Variants in ACVR1 observed in about 807,000 individuals in gnomAD.
ACVR1 encodes the protein activin receptor type-1.
In ACVR1, 38 loss-of-function variants were observed where a neutral mutation model predicts 57.1. The ratio of observed to expected loss-of-function variants is 0.67; its 90% confidence interval spans 0.51 to 0.87. ACVR1 has a LOEUF of 0.87. ACVR1 is among the 40% of genes least tolerant of loss of function. The probability of loss-of-function intolerance (pLI) is 0.00; values close to 1 mark genes in which losing one functional copy is unlikely to be tolerated. For missense variants in ACVR1, 463 were observed against 638.2 expected, an observed-to-expected ratio of 0.73 and a Z score of 2.96; for synonymous variants, 212 against 228.1, an observed-to-expected ratio of 0.93 and a Z score of 0.63.
At chr2:157,812,833 C>A (rs2105322572) in intron 2 of ACVR1, among the ~76,000 whole-genome samples, 1 of 152,146 alleles carries the variant, frequency 6.6e-6, no homozygotes, top group African/African-American at 2.4e-5. Context: ...AATCAGAAAT[C>A]ATGTATTAAA....
intron 3 of ACVR1, among the ~76,000 whole-genome samples, chr2:157,784,913 T>C (rs1045734581): frequency 2.0e-5 from 3 of 152,256 alleles, no homozygotes; most frequent in Non-Finnish European, 4.4e-5. Flanking sequence ...TATAATCTTG[T>C]ACTTCATGGT....
chr2:157,753,214 A>G (rs1029150817), intron 9 of ACVR1, among the ~76,000 whole-genome samples: 1 of 152,210 alleles, frequency 6.6e-6, no homozygotes, highest in Non-Finnish European at 1.5e-5. Flanking sequence ...AAAAAAGACA[A>G]GAGGAACACT....
At chr2:157,843,381 C>A (rs1689034392) in intron 1 of ACVR1, among the ~76,000 whole-genome samples, 1 of 152,122 alleles carries the variant, frequency 6.6e-6, no homozygotes, top group Non-Finnish European at 1.5e-5. Context: ...ATAATAGCAG[C>A]CACAGTTTTT....
At chr2:157,820,875 C>T (rs1471844538) in intron 1 of ACVR1, among the ~76,000 whole-genome samples, 3 of 152,090 alleles carry the variant, frequency 2.0e-5, no homozygotes, top group South Asian at 2.1e-4. Context: ...CCCTCTTTCA[C>T]GATACTTAGC....
chr2:157,746,289 T>A (rs1018563804), intron 9 of ACVR1, among the ~76,000 whole-genome samples: 3 of 152,172 alleles, frequency 2.0e-5, no homozygotes, highest in African/African-American at 7.2e-5. Flanking sequence ...ACATATACGA[T>A]CTCATTTAAT....
intron 4 of ACVR1, 109 bp from the exon 5 acceptor site, chr2:157,778,451 A>G: frequency 2.2e-6 from 2 of 899,452 alleles, no homozygotes; most frequent in Non-Finnish European, 3.6e-6. Context: ...ACACAGTCTC[A>G]CAACTCACGA....
Position 157,737,512 on chromosome 2 carries a change from T to C in ACVR1, c.*19A>G. The C allele has an allele frequency of 6.2e-7, 1 of 1,613,824 alleles. No individual in the cohort carries two copies. The highest frequency in any genetic ancestry group is 1.1e-5 in the South Asian group (1 of 91,066). ...AATGACAACAACGTCAAATCTTCCT[T>C]CTTGACACTATGAAAATGTCAACAG... On this transcript the variant is annotated 3_prime_UTR_variant, in exon 11 of 11. Transcript: ENST00000434821.
In ACVR1 at chr2:157,749,354, C is replaced by A. The variant is rs1685093305; in HGVS notation, c.1265-10784G>T. ...GCTTCTTTAACTGCTAAGGCATCAC[C>A]ATTTAATAAAACTACTTATAAACAG... On this transcript the variant is annotated intron_variant, in intron 9 of 10. Coordinates refer to ENST00000434821, the MANE Select transcript of ACVR1 (RefSeq NM_001111067.4). Among the ~76,000 whole-genome samples, 3 of 152,280 alleles carry A rather than the reference C, an allele frequency of 2.0e-5. No individual in the cohort carries two copies. In the South Asian group the frequency reaches 6.2e-4, roughly 32 times the overall value.
chr2:157,823,071 A>G (rs1210902697), intron 1 of ACVR1, among the ~76,000 whole-genome samples: 1 of 152,248 alleles, frequency 6.6e-6, no homozygotes, highest in Non-Finnish European at 1.5e-5. Flanking sequence ...AGATTGGGCC[A>G]CAAAGACACA....
In ACVR1 at chr2:157,745,755, G is replaced by A. The variant is rs78863184; in HGVS notation, c.1265-7185C>T. On this transcript the variant is annotated intron_variant, in intron 9 of 10. Coordinates refer to ENST00000434821, the MANE Select transcript of ACVR1 (RefSeq NM_001111067.4). ...TATGCAAACCTTAATACACACAAAA[G>A]TAGGTAATTAACGTCATGAAACATG... Among the ~76,000 whole-genome samples the A allele has an allele frequency of 2.8e-3, 425 of 152,220 alleles. 2 individuals are homozygous for A. The highest frequency in any genetic ancestry group is 9.5e-3 in the African/African-American group (395 of 41,522).
At chr2:157,827,833 T>A (rs1462606917) in intron 1 of ACVR1, among the ~76,000 whole-genome samples, 1 of 152,154 alleles carries the variant, frequency 6.6e-6, no homozygotes, top group African/African-American at 2.4e-5. Flanking sequence ...CACTGCTGTG[T>A]GACACTCAGA....
Position 157,766,008 on chromosome 2 carries a change from G to C in ACVR1, c.979C>G (p.Gln327Glu), listed in dbSNP as rs1184040818. 6.2e-7 allele frequency: 1 copy of C among 1,613,948 alleles called. No individual in the cohort carries two copies. The highest frequency in any genetic ancestry group is 8.5e-7 in the Non-Finnish European group (1 of 1,179,976). ...CGATGGGCAATGGCTGGTTTCCCTT[G>C]GGTCCCAAATATCTCTATGTGCAAA... is the stretch of plus-strand genomic sequence containing the variant. Reference protein sequence around the residue: ...AHLHIEIFGTQGKPAIAHRDL... With the variant: ...AHLHIEIFGTEGKPAIAHRDL... Residue 327 changes from glutamine (Q) to glutamate (E), a missense_variant, in exon 8 of 11, where the codon CAA (glutamine) becomes GAA (glutamate). Gln to Glu is a conservative substitution (Grantham distance 29). This residue lies in a region of ACVR1 where 114 missense variants were observed against 216.2 expected (regional missense o/e 0.53). Coordinates refer to ENST00000434821, the MANE Select transcript of ACVR1 (RefSeq NM_001111067.4).
At chr2:157,787,855 T>C (rs1256334856) in intron 3 of ACVR1, among the ~76,000 whole-genome samples, 1 of 152,132 alleles carries the variant, frequency 6.6e-6, no homozygotes, top group Non-Finnish European at 1.5e-5. Context: ...GTGGCTTTTG[T>C]GCTTAGCTCT....
chr2:157,800,971 C>T (rs1358649679), intron 2 of ACVR1, among the ~76,000 whole-genome samples: 2 of 152,104 alleles, frequency 1.3e-5, no homozygotes, highest in Non-Finnish European at 2.9e-5. Flanking sequence ...TGAAAAACCT[C>T]TCCCTCAGCA....
chr2:157,848,266 C>G (rs1438534417), intron 1 of ACVR1, among the ~76,000 whole-genome samples: 1 of 152,172 alleles, frequency 6.6e-6, no homozygotes, highest in Non-Finnish European at 1.5e-5. Flanking sequence ...GTAACAGCTT[C>G]CAGAACCAGA....
intron 1 of ACVR1, among the ~76,000 whole-genome samples, chr2:157,853,801 G>A (rs1689409152): frequency 6.6e-6 from 1 of 152,154 alleles, no homozygotes; most frequent in African/African-American, 2.4e-5. Context: ...TTCCCAGCTG[G>A]TACTATGCTC....
intron 9 of ACVR1, among the ~76,000 whole-genome samples, chr2:157,757,005 AGATATATATATATTT>A (rs1422847568): frequency 1.5e-5 from 2 of 134,534 alleles, no homozygotes; most frequent in Non-Finnish European, 3.1e-5. Flanking sequence ...TATATATTTG[AGATATATATATATTT>A]GATATATATA....
intron 1 of ACVR1, among the ~76,000 whole-genome samples, chr2:157,847,108 T>C (rs1350967840): frequency 6.6e-6 from 1 of 152,232 alleles, no homozygotes; most frequent in Non-Finnish European, 1.5e-5. Context: ...AGAATGATGT[T>C]GCACAGGAGA....
intron 1 of ACVR1, among the ~76,000 whole-genome samples, chr2:157,820,086 A>G (rs1688111223): frequency 6.6e-6 from 1 of 152,252 alleles, no homozygotes; most frequent in African/African-American, 2.4e-5. Context: ...AGATACTATC[A>G]AACCGTTCCT....
Sources: allele counts gnomAD v4.1 joint callset (sites outside exome capture counted in the v4.1 genomes callset), GRCh38; gene constraint gnomAD v4.1.1; regional missense constraint gnomAD v4.1.1; transcripts MANE v1.5; gene names NCBI Gene and HGNC (gene_info 2026-07-23, HGNC 2026-07-21).